Variants in PTPRQ observed in about 807,000 individuals in gnomAD.
PTPRQ encodes phosphatidylinositol phosphatase PTPRQ.
A neutral mutation model predicts 246.0 loss-of-function variants in PTPRQ; 199 were observed. That is an observed-to-expected ratio of 0.81 (90% CI 0.72 to 0.91). The LOEUF (loss-of-function observed/expected upper bound fraction) is 0.91, where lower values mean the gene tolerates loss of function less well. PTPRQ is among the 40% of genes least tolerant of loss of function. The pLI is 0.00. For missense variants in PTPRQ, 2,624 were observed against 2,528.4 expected (o/e 1.04, Z -0.81); for synonymous variants, 869 against 853.2 (o/e 1.02, Z -0.32).
In PTPRQ at chr12:80,493,415, T is replaced by G; in HGVS notation, c.1500T>G (p.Phe500Leu). The change falls in exon 10 of 45, where the codon TTT (phenylalanine) becomes TTG (leucine). Residue 500 changes from phenylalanine (F) to leucine (L), a missense_variant. By Grantham distance (22) the Phe-to-Leu change is conservative (BLOSUM62 0). Transcript: ENST00000644991. ...ATAACAGCCATCCAGATAAAAACTT[T>G]CCTGCAAGGAATAGAGCTGAAGACC... ...FIYNSHPDKNFPARNRAEDQT... is the reference protein window; with the variant it reads ...FIYNSHPDKNLPARNRAEDQT... The G allele has an allele frequency of 6.5e-7, 1 of 1,550,080 alleles. No homozygotes were observed. Among genetic ancestry groups the G allele is most frequent in the Non-Finnish European group, 8.7e-7 (1 of 1,145,888 alleles).
At chr12:80,670,603 T>C in intron 42 of PTPRQ, 111 bp downstream of exon 42, 8 of 1,368,924 alleles carry the variant, frequency 5.8e-6, no homozygotes, top group Non-Finnish European at 7.6e-6. Context: ...GCTTGCCGTC[T>C]TCAGAGATTT....
chr12:80,634,886 C>A, intron 34 of PTPRQ, 59 bp from the exon 35 acceptor site: 6 of 1,510,626 alleles, frequency 4.0e-6, no homozygotes, highest in East Asian at 2.5e-5. Flanking sequence ...GAAAACTAAA[C>A]CTAATTTTAT....
At position 80,619,496 on chromosome 12, in the gene PTPRQ, T is replaced by A; in HGVS notation, c.5343T>A (p.Asp1781Glu). The A allele has an allele frequency of 6.5e-7, 1 of 1,542,782 alleles. No homozygotes were observed. The highest frequency in any genetic ancestry group is 2.0e-5 in the Admixed American group (1 of 50,330). The change falls in exon 31 of 45, where the codon GAT (aspartate) becomes GAA (glutamate). Residue 1781 changes from aspartate (D) to glutamate (E), a missense_variant. Physicochemically the swap from Asp to Glu is conservative, Grantham distance 45. Transcript: ENST00000644991. ...IRMPICYYSD[D>E]HGPIKNVQVL... ...TGCCAATATGTTACTACAGTGATGA[T>A]CATGGACCAATAAAAAATGTACAAG...
intron 35 of PTPRQ, among the ~76,000 whole-genome samples, chr12:80,637,994 A>C (rs946344111): frequency 2.6e-5 from 4 of 152,054 alleles, no homozygotes; most frequent in Non-Finnish European, 4.4e-5. Flanking sequence ...TAGGCTGGGC[A>C]TAGTGGCTCA....
chr12:80,543,565 TG>T (rs1896217907), intron 23 of PTPRQ, among the ~76,000 whole-genome samples: 1 of 152,082 alleles, frequency 6.6e-6, no homozygotes, highest in African/African-American at 2.4e-5. Context: ...AGTCCTGGAA[TG>T]TTCTTATTTA....
chr12:80,444,632 G>C, intron 1 of PTPRQ, 109 bp from the exon 2 acceptor site: 1 of 797,670 alleles, frequency 1.3e-6, no homozygotes, highest in South Asian at 1.5e-5. Flanking sequence ...TATAAACAGT[G>C]CAGAGTTATA....
At chr12:80,614,996 A>G (rs1380077560) in intron 29 of PTPRQ, among the ~76,000 whole-genome samples, 2 of 150,970 alleles carry the variant, frequency 1.3e-5, no homozygotes, top group African/African-American at 2.4e-5. Context: ...GTTAGGATGT[A>G]TAACTTTAGC....
chr12:80,678,584 T>G lies in PTPRQ; in HGVS notation c.6739-18T>G. ...TTCATCAATATATTTGTTTAACCACTCTGTCTTTGGTGTCTAGGCACAGTA... is the reference window on the plus strand; with the variant it reads ...TTCATCAATATATTTGTTTAACCACGCTGTCTTTGGTGTCTAGGCACAGTA... On this transcript the variant is annotated intron_variant, in intron 43 of 44. Coordinates refer to ENST00000644991, the MANE Select transcript of PTPRQ (RefSeq NM_001145026.2). 1 of 1,534,048 alleles carries G rather than the reference T, an allele frequency of 6.5e-7. No individual in the cohort carries two copies. The highest frequency in any genetic ancestry group is 2.5e-5 in the East Asian group (1 of 40,524).
At chr12:80,451,370 C>G (rs1278281462) in intron 3 of PTPRQ, among the ~76,000 whole-genome samples, 2 of 102,292 alleles carry the variant, frequency 2.0e-5, no homozygotes, top group African/African-American at 8.0e-5. Context: ...TTTTGTGTCT[C>G]TATGTCCTTC....
At chr12:80,635,848 C>T (rs1035771564) in intron 35 of PTPRQ, among the ~76,000 whole-genome samples, 171 of 152,152 alleles carry the variant, frequency 1.1e-3, no homozygotes, top group African/African-American at 4.0e-3. Flanking sequence ...TGCTTATAAG[C>T]ACAAAGTAGT....
At chr12:80,641,722 A>G (rs1214789795) in intron 35 of PTPRQ, among the ~76,000 whole-genome samples, 3 of 152,220 alleles carry the variant, frequency 2.0e-5, no homozygotes, top group African/African-American at 4.8e-5. Context: ...TCAATTTTCA[A>G]CCAGCACTCA....
chr12:80,490,201 T>G (rs1316860358), intron 9 of PTPRQ, among the ~76,000 whole-genome samples: 1 of 151,992 alleles, frequency 6.6e-6, no homozygotes, highest in South Asian at 2.1e-4. Flanking sequence ...ATTAAAAAAA[T>G]TTTTCTTTTT....
At chr12:80,472,290 C>T (rs1246315225) in intron 8 of PTPRQ, 39 bp downstream of exon 8, 10 of 1,542,186 alleles carry the variant, frequency 6.5e-6, no homozygotes, top group African/African-American at 1.4e-5. Flanking sequence ...TTTTGGTATG[C>T]TTATGAACTT....
intron 33 of PTPRQ, among the ~76,000 whole-genome samples, chr12:80,626,229 T>C (rs1393093249): frequency 6.6e-6 from 1 of 152,168 alleles, no homozygotes; most frequent in South Asian, 2.1e-4. Context: ...ACAGTGGTAA[T>C]GTGGTGGTGA....
intron 25 of PTPRQ, among the ~76,000 whole-genome samples, chr12:80,554,033 A>T (rs147979050): frequency 6.8e-6 from 1 of 147,252 alleles, no homozygotes; most frequent in South Asian, 2.3e-4. Context: ...ATGGAGATAG[A>T]GTGTAGAATG....
At chr12:80,479,811 C>T (rs1020372920) in intron 8 of PTPRQ, among the ~76,000 whole-genome samples, 1 of 152,092 alleles carries the variant, frequency 6.6e-6, no homozygotes, top group Non-Finnish European at 1.5e-5. Flanking sequence ...GGGATCAATT[C>T]AACAAGAAGA....
chr12:80,565,812 T>C (rs1330165739), intron 25 of PTPRQ, among the ~76,000 whole-genome samples: 2 of 152,202 alleles, frequency 1.3e-5, no homozygotes, highest in African/African-American at 4.8e-5. Context: ...CTGTACAAAA[T>C]ACTACTAACC....
At chr12:80,658,292 A>G (rs1322551740) in intron 39 of PTPRQ, among the ~76,000 whole-genome samples, 1 of 152,034 alleles carries the variant, frequency 6.6e-6, no homozygotes, top group Non-Finnish European at 1.5e-5. Flanking sequence ...CAGATGTTCA[A>G]CTTCAGGCTA....
intron 34 of PTPRQ, among the ~76,000 whole-genome samples, chr12:80,633,840 T>C (rs540213073): frequency 6.6e-6 from 1 of 152,290 alleles, no homozygotes; most frequent in East Asian, 1.9e-4. Flanking sequence ...CTCTAAAATC[T>C]TTTCTGACTT....
Sources: gnomAD v4.1 joint callset for allele counts (sites outside exome capture counted in the v4.1 genomes callset) on GRCh38, gnomAD v4.1.1 for gene constraint, MANE v1.5 for transcripts, NCBI Gene and HGNC (gene_info 2026-07-23, HGNC 2026-07-21) for gene names.